ROR1: variants seen among roughly 807,000 people sequenced by gnomAD.
The protein encoded by ROR1 is ROR family WNT receptor 1.
In ROR1, 19 loss-of-function variants were observed where a neutral mutation model predicts 78.8. The observed-to-expected ratio is 0.24, with a 90% CI of 0.17 to 0.35. The LOEUF (loss-of-function observed/expected upper bound fraction) is 0.35. Ranked by LOEUF, ROR1 falls within the 10% of genes least tolerant of loss-of-function variation. ROR1 has a pLI of 1.00. For synonymous variants in ROR1, 386 were observed against 433.6 expected (o/e 0.89, Z 1.36); for missense variants, 917 against 1,177.8 (o/e 0.78, Z 3.24).
At position 63,895,000 on chromosome 1, in the gene ROR1, C is replaced by G. The variant is rs1329798920; in HGVS notation, c.92-114305C>G. On this transcript the variant is annotated intron_variant, in intron 1 of 8. Transcript: ENST00000371079. ...AACTCCTGGACGTGGATTACAGGAG[C>G]TTTTAGATCTTAGAATGCTCTTTAT... Among the ~76,000 whole-genome samples, 4 of 152,134 alleles carry G rather than the reference C, an allele frequency of 2.6e-5. No homozygotes were observed. In the East Asian group the frequency reaches 7.7e-4, roughly 29 times the overall value.
At chr1:63,875,241 T>C (rs1180247476) in intron 1 of ROR1, among the ~76,000 whole-genome samples, 3 of 152,202 alleles carry the variant, frequency 2.0e-5, no homozygotes, top group Non-Finnish European at 4.4e-5. Context: ...TTGTGCTGAG[T>C]GCCTACAACA....
intron 7 of ROR1, among the ~76,000 whole-genome samples, chr1:64,155,300 TAGA>T (rs935499483): frequency 3.9e-5 from 6 of 152,352 alleles, no homozygotes; most frequent in African/African-American, 1.4e-4. Context: ...AATATTTTTA[TAGA>T]AGATTTTCAG....
At chr1:63,958,321 A>G (rs1646000020) in intron 1 of ROR1, among the ~76,000 whole-genome samples, 1 of 151,964 alleles carries the variant, frequency 6.6e-6, no homozygotes, top group Non-Finnish European at 1.5e-5. Context: ...TCCCGCAGAT[A>G]CTCTCCATGC....
At chr1:63,902,865 C>G (rs968576117) in intron 1 of ROR1, among the ~76,000 whole-genome samples, 25 of 152,266 alleles carry the variant, frequency 1.6e-4, no homozygotes, top group Admixed American at 1.6e-3. Context: ...TCTGTTTCCG[C>G]CAGTCATCCT....
intron 1 of ROR1, among the ~76,000 whole-genome samples, chr1:63,813,348 C>T (rs1335198189): frequency 6.6e-6 from 1 of 152,140 alleles, no homozygotes; most frequent in Admixed American, 6.5e-5. Context: ...CTGCCAATTC[C>T]GCACATCACT....
At chr1:63,964,608 G>A (rs543730991) in intron 1 of ROR1, among the ~76,000 whole-genome samples, 18 of 152,268 alleles carry the variant, frequency 1.2e-4, no homozygotes, top group South Asian at 1.0e-3. Flanking sequence ...GGGTTCTGAC[G>A]AATTTATTTC....
chr1:63,972,945 C>T (rs1293485403), intron 1 of ROR1, among the ~76,000 whole-genome samples: 1 of 152,162 alleles, frequency 6.6e-6, no homozygotes, highest in Non-Finnish European at 1.5e-5. Flanking sequence ...TCATGGTTAC[C>T]ACTAACCTCC....
chr1:64,007,545 G>A (rs905640876), intron 1 of ROR1, among the ~76,000 whole-genome samples: 1 of 152,078 alleles, frequency 6.6e-6, no homozygotes, highest in Admixed American at 6.6e-5. Flanking sequence ...TTAACAGCCC[G>A]TAAGTACTTC....
At chr1:64,068,689 A>G (rs749758063) in intron 4 of ROR1, among the ~76,000 whole-genome samples, 1 of 152,202 alleles carries the variant, frequency 6.6e-6, no homozygotes, top group Non-Finnish European at 1.5e-5. Context: ...CAATTCCACT[A>G]AGTCTAGTTT....
At chr1:64,014,967 A>G (rs1189582281) in intron 2 of ROR1, among the ~76,000 whole-genome samples, 1 of 151,006 alleles carries the variant, frequency 6.6e-6, no homozygotes, top group East Asian at 2.0e-4. Flanking sequence ...CTACAGATAA[A>G]GACATACCCG....
chr1:64,105,348 G>A (rs1647755030), intron 4 of ROR1: 1 of 152,120 alleles, frequency 6.6e-6, no homozygotes, highest in Non-Finnish European at 1.5e-5. Flanking sequence ...ATAGATGCTG[G>A]ATATTAGACC....
chr1:63,978,384 A>G (rs1427745853), intron 1 of ROR1, among the ~76,000 whole-genome samples: 2 of 152,204 alleles, frequency 1.3e-5, no homozygotes, highest in Non-Finnish European at 2.9e-5. Context: ...TGTGGTGTGG[A>G]TAATTTTGGT....
intron 1 of ROR1, among the ~76,000 whole-genome samples, chr1:63,922,429 A>T (rs1228494427): frequency 6.6e-6 from 1 of 152,184 alleles, no homozygotes; most frequent in African/African-American, 2.4e-5. Context: ...TAAAGTTAGC[A>T]ACCTCTGGTA....
chr1:63,993,508 T>A (rs1275759414), intron 1 of ROR1, among the ~76,000 whole-genome samples: 1 of 152,254 alleles, frequency 6.6e-6, no homozygotes, highest in African/African-American at 2.4e-5. Context: ...TGTATATTTA[T>A]ACATGTAAGA....
rs750686747 is a variant in ROR1 at position 64,177,412 on chromosome 1, CCT to C, written c.1387-11_1387-10del. Reference sequence around the variant, plus strand: ...AAGATATGTTTTAAACCACGTTTTTCCTCTCTTTCATACAGAGCAAGGCTAAA... The same window carrying C: ...AAGATATGTTTTAAACCACGTTTTTCCTCTTTCATACAGAGCAAGGCTAAA... On this transcript the variant is annotated splice_polypyrimidine_tract_variant and intron_variant, in intron 8 of 8. Coordinates refer to ENST00000371079, the MANE Select transcript of ROR1 (RefSeq NM_005012.4). 2.3e-5 allele frequency: 37 copies of C among 1,578,642 alleles called. No homozygotes were observed. The African/African-American group carries it at 4.5e-4, about 19-fold the overall frequency.
At chr1:63,975,756 C>T (rs1003054454) in intron 1 of ROR1, among the ~76,000 whole-genome samples, 1 of 152,166 alleles carries the variant, frequency 6.6e-6, no homozygotes, top group Non-Finnish European at 1.5e-5. Flanking sequence ...TGAGCTCTTT[C>T]AGGCACTTCC....
chr1:63,896,408 T>C (rs1360076683), intron 1 of ROR1, among the ~76,000 whole-genome samples: 1 of 152,162 alleles, frequency 6.6e-6, no homozygotes, highest in Non-Finnish European at 1.5e-5. Flanking sequence ...CCATGCCATC[T>C]GAAGCCTTCT....
chr1:63,912,341 C>A (rs1239074214), intron 1 of ROR1, among the ~76,000 whole-genome samples: 1 of 151,440 alleles, frequency 6.6e-6, no homozygotes, highest in Non-Finnish European at 1.5e-5. Context: ...GTCCTGATCT[C>A]TACTCTCAGG....
rs1646365616 is a variant in ROR1, at chr1:63,999,440, G to A, written c.92-9865G>A. The stretch of plus-strand genomic sequence containing the variant: ...ATCTGGTTTGCCATAAGCCACATAA[G>A]CCTCATCACCAAAATCTTTGGTCAG... On this transcript the variant is annotated intron_variant, in intron 1 of 8. Coordinates refer to ENST00000371079, the MANE Select transcript of ROR1 (RefSeq NM_005012.4). Among the ~76,000 whole-genome samples, 3 of 152,160 alleles carry A rather than the reference G, an allele frequency of 2.0e-5. No individual in the cohort carries two copies. In the South Asian group the frequency reaches 6.2e-4, roughly 32 times the overall value.
Sources: gnomAD v4.1 joint callset for allele counts (sites outside exome capture counted in the v4.1 genomes callset) on GRCh38, gnomAD v4.1.1 for gene constraint, MANE v1.5 for transcripts, NCBI Gene and HGNC (gene_info 2026-07-23, HGNC 2026-07-21) for gene names.